The following GRM8 variants were observed in gnomAD, a reference collection of about 807,000 sequenced individuals.
GRM8 encodes the protein glutamate metabotropic receptor 8.
In GRM8, 47 loss-of-function variants were observed where a neutral mutation model predicts 87.2. That is an observed-to-expected ratio of 0.54 (90% CI 0.43 to 0.69). The LOEUF is 0.69. GRM8 is among the 30% of genes least tolerant of loss of function. The pLI is 0.00. For missense variants in GRM8, 1,019 were observed against 1,139.2 expected (o/e 0.89, Z 1.52); for synonymous variants, 396 against 404.5 (o/e 0.98, Z 0.25).
At chr7:126,719,379 T>G (rs935582131) in intron 7 of GRM8, among the ~76,000 whole-genome samples, 3 of 152,238 alleles carry the variant, frequency 2.0e-5, no homozygotes, top group African/African-American at 7.2e-5. Flanking sequence ...ATAAAATGTT[T>G]ACTCAATAAA....
intron 6 of GRM8, among the ~76,000 whole-genome samples, chr7:126,838,517 A>AGGGGAAAGTG (rs1204293549): frequency 6.6e-6 from 1 of 152,200 alleles, no homozygotes; most frequent in East Asian, 1.9e-4. Flanking sequence ...TTCTTTATCA[A>AGGGGAAAGTG]GGGGAAAGTG....
At chr7:127,081,224 A>G (rs577749316) in intron 3 of GRM8, among the ~76,000 whole-genome samples, 1 of 152,002 alleles carries the variant, frequency 6.6e-6, no homozygotes, top group Admixed American at 6.6e-5. Flanking sequence ...TCCACCCTGA[A>G]CTCCATGTAT....
intron 7 of GRM8, among the ~76,000 whole-genome samples, chr7:126,649,921 T>A (rs1411606410): frequency 2.0e-5 from 3 of 152,182 alleles, no homozygotes; most frequent in African/African-American, 7.2e-5. Context: ...CGGATTGTAT[T>A]TGGAGCCTTT....
At chr7:126,600,836 A>G (rs1337200312) in intron 8 of GRM8, among the ~76,000 whole-genome samples, 1 of 152,192 alleles carries the variant, frequency 6.6e-6, no homozygotes, top group Non-Finnish European at 1.5e-5. Context: ...AGCATCTAAT[A>G]AACAAATACA....
At chr7:127,211,122 T>C (rs536628539) in intron 2 of GRM8, among the ~76,000 whole-genome samples, 2 of 152,310 alleles carry the variant, frequency 1.3e-5, no homozygotes, top group African/African-American at 2.4e-5. Flanking sequence ...TTAAGGAGTA[T>C]TGACTCATTC....
At chr7:126,465,627 C>T (rs2150533928) in intron 9 of GRM8, among the ~76,000 whole-genome samples, 1 of 151,702 alleles carries the variant, frequency 6.6e-6, no homozygotes, top group South Asian at 2.1e-4. Flanking sequence ...TTCATTCCTT[C>T]TATATAGAAA....
intron 7 of GRM8, among the ~76,000 whole-genome samples, chr7:126,708,708 CA>C (rs1286253479): frequency 4.6e-5 from 7 of 150,866 alleles, no homozygotes; most frequent in Non-Finnish European, 5.9e-5. Context: ...AAGGCAGGCA[CA>C]AAAAAAATAC....
Position 127,232,467 on chromosome 7 carries a change from C to T in GRM8, c.510+10228G>A, listed in dbSNP as rs1797751589. Among the ~76,000 whole-genome samples, 6 of 152,268 alleles carry T rather than the reference C, an allele frequency of 3.9e-5. No individual in the cohort carries two copies. The South Asian group carries it at 1.0e-3, about 26-fold the overall frequency. ...GCTGGTCTCAGATGCCCAAGCTGGT[C>T]TTGAACTCCTGGGCTCAAGTAATCC... On this transcript the variant is annotated intron_variant, in intron 2 of 10. Transcript: ENST00000339582.
chr7:126,830,268 T>A (rs1795231174), intron 6 of GRM8, among the ~76,000 whole-genome samples: 1 of 152,182 alleles, frequency 6.6e-6, no homozygotes, highest in Non-Finnish European at 1.5e-5. Flanking sequence ...AGATTGGGGA[T>A]GTTCTCCTGG....
At chr7:126,615,965 A>G (rs956329541) in intron 7 of GRM8, among the ~76,000 whole-genome samples, 26 of 152,156 alleles carry the variant, frequency 1.7e-4, no homozygotes, top group Non-Finnish European at 3.1e-4. Context: ...AGACAGATCA[A>G]CGAGACAGAA....
In GRM8 at chr7:126,903,775, G is replaced by GTGTGTATATATA. The variant is rs759583815; in HGVS notation, c.1018+196_1018+197insTATATATACACA. ...TATGTGTATATATATATGTGTGTGT[G>GTGTGTATATATA]TATATATATATATATATATATATAT... On this transcript the variant is annotated intron_variant, in intron 5 of 10. Transcript: ENST00000339582. Among the ~76,000 whole-genome samples the GTGTGTATATATA allele has an allele frequency of 5.7e-5, 5 of 87,670 alleles. 1 individual carries two copies. The highest frequency in any genetic ancestry group is 7.7e-4 in the East Asian group (2 of 2,612). 57.5% of individuals were successfully genotyped at this position (87,670 alleles called of 152,430 possible).
intron 9 of GRM8, among the ~76,000 whole-genome samples, chr7:126,525,758 T>A (rs955179001): frequency 1.2e-4 from 18 of 152,318 alleles, no homozygotes; most frequent in Non-Finnish European, 1.9e-4. Flanking sequence ...CCTCTCTTTC[T>A]CCTTTCCTTC....
At chr7:126,789,450 C>T (rs879860600) in intron 6 of GRM8, among the ~76,000 whole-genome samples, 3 of 152,094 alleles carry the variant, frequency 2.0e-5, no homozygotes, top group East Asian at 3.8e-4. Flanking sequence ...CCCCGACAGA[C>T]GACAGGGACT....
chr7:126,766,194 A>G lies in GRM8; in HGVS notation c.1357+3671T>C, dbSNP rs142392122. Among the ~76,000 whole-genome samples, 11 of 151,990 alleles carry G rather than the reference A, an allele frequency of 7.2e-5. No individual in the cohort carries two copies. The East Asian group carries it at 1.9e-3, about 27-fold the overall frequency. ...TAAGCATACCACATACCTGGTTACAATGTGAGAAAGATTAAATTTTAAGAA... is the reference window on the plus strand; with the variant it reads ...TAAGCATACCACATACCTGGTTACAGTGTGAGAAAGATTAAATTTTAAGAA... On this transcript the variant is annotated intron_variant, in intron 7 of 10. Transcript: ENST00000339582.
chr7:126,739,222 T>A (rs920704987), intron 7 of GRM8, among the ~76,000 whole-genome samples: 2 of 151,972 alleles, frequency 1.3e-5, no homozygotes, highest in Non-Finnish European at 2.9e-5. Context: ...GTTGGCAACA[T>A]CCTTTTCAAG....
intron 6 of GRM8, among the ~76,000 whole-genome samples, chr7:126,873,380 G>C (rs1356202832): frequency 1.3e-5 from 2 of 152,058 alleles, no homozygotes; most frequent in Non-Finnish European, 2.9e-5. Context: ...GGAAAAAACG[G>C]TTGATGCTTA....
At chr7:126,785,659 T>C (rs1287085665) in intron 6 of GRM8, among the ~76,000 whole-genome samples, 1 of 152,056 alleles carries the variant, frequency 6.6e-6, no homozygotes, top group African/African-American at 2.4e-5. Context: ...TTCTCCATCC[T>C]GCCACCTAAA....
At chr7:127,045,322 T>C (rs1157982436) in intron 3 of GRM8, among the ~76,000 whole-genome samples, 1 of 152,026 alleles carries the variant, frequency 6.6e-6, no homozygotes, top group Non-Finnish European at 1.5e-5. Context: ...TTTTTTTTTT[T>C]TCAGTAATTT....
chr7:126,638,215 T>C (rs1802044684), intron 7 of GRM8, among the ~76,000 whole-genome samples: 2 of 152,174 alleles, frequency 1.3e-5, no homozygotes, highest in Admixed American at 1.3e-4. Flanking sequence ...GTACCACTGA[T>C]TAATTTTAAT....
Sources: allele counts gnomAD v4.1 joint callset (sites outside exome capture counted in the v4.1 genomes callset), GRCh38; gene constraint gnomAD v4.1.1; transcripts MANE v1.5; gene names NCBI Gene and HGNC (gene_info 2026-07-23, HGNC 2026-07-21).